LSAMP: variants seen among roughly 807,000 people sequenced by gnomAD.
The protein encoded by LSAMP is limbic system associated membrane protein.
LSAMP carries 7 observed loss-of-function variants against 38.6 expected under a neutral mutation model. The observed-to-expected ratio is 0.18, with a 90% CI of 0.10 to 0.34. The LOEUF is 0.34. Among genes scored for constraint, LSAMP ranks in the 10% least tolerant of loss-of-function variants. The pLI, the probability that LSAMP is intolerant of heterozygous loss-of-function variation, is 1.00. For synonymous variants in LSAMP, 154 were observed against 166.8 expected, an observed-to-expected ratio of 0.92 and a Z score of 0.59; for missense variants, 313 against 420.0, an observed-to-expected ratio of 0.75 and a Z score of 2.23.
At chr3:116,327,174 C>G (rs937010888) in intron 1 of LSAMP, among the ~76,000 whole-genome samples, 1 of 152,144 alleles carries the variant, frequency 6.6e-6, no homozygotes, top group Non-Finnish European at 1.5e-5. Context: ...CCAATAAACT[C>G]AAGCAGTGGC....
intron 3 of LSAMP, among the ~76,000 whole-genome samples, chr3:115,962,451 G>C (rs1938660378): frequency 1.3e-5 from 2 of 152,162 alleles, no homozygotes; most frequent in African/African-American, 4.8e-5. Flanking sequence ...AGAGTGCTCT[G>C]ACCTTGGAGA....
At chr3:115,915,365 G>C (rs1278367430) in intron 3 of LSAMP, among the ~76,000 whole-genome samples, 1 of 152,218 alleles carries the variant, frequency 6.6e-6, no homozygotes, top group Non-Finnish European at 1.5e-5. Context: ...GTTGTAAAAG[G>C]TGTTGTTGAC....
At chr3:116,414,539 G>A (rs574798304) in intron 1 of LSAMP, among the ~76,000 whole-genome samples, 3 of 152,050 alleles carry the variant, frequency 2.0e-5, no homozygotes, top group South Asian at 2.1e-4. Context: ...CAGAGCAATC[G>A]TCCAACGTTT....
At chr3:116,203,520 G>A (rs369699624) in intron 1 of LSAMP, among the ~76,000 whole-genome samples, 1 of 150,836 alleles carries the variant, frequency 6.6e-6, no homozygotes, top group Non-Finnish European at 1.5e-5. Flanking sequence ...TCTAGCATTA[G>A]GTATATCTCC....
chr3:115,851,755 CAG>C (rs1263406074), intron 4 of LSAMP, among the ~76,000 whole-genome samples: 1 of 152,200 alleles, frequency 6.6e-6, no homozygotes, highest in Non-Finnish European at 1.5e-5. Flanking sequence ...TTGAATGATG[CAG>C]AGTCAGTGCT....
chr3:115,828,256 CT>C (rs1934490210), intron 6 of LSAMP, among the ~76,000 whole-genome samples: 1 of 152,138 alleles, frequency 6.6e-6, no homozygotes, highest in African/African-American at 2.4e-5. Flanking sequence ...AAGGTTCATA[CT>C]TTTTGGGTTA....
intron 3 of LSAMP, among the ~76,000 whole-genome samples, chr3:115,947,989 T>C (rs1276995761): frequency 1.3e-5 from 2 of 152,330 alleles, no homozygotes; most frequent in African/African-American, 2.4e-5. Flanking sequence ...TACATCTATG[T>C]ATAGGTGAAA....
At chr3:115,838,863 C>T (rs1336812083) in intron 6 of LSAMP, among the ~76,000 whole-genome samples, 3 of 152,184 alleles carry the variant, frequency 2.0e-5, no homozygotes, top group East Asian at 3.8e-4. Flanking sequence ...GTGGTGGATA[C>T]GGCTGAAAAT....
intron 3 of LSAMP, among the ~76,000 whole-genome samples, chr3:115,860,574 A>C (rs1216494736): frequency 6.6e-6 from 1 of 152,226 alleles, no homozygotes; most frequent in African/African-American, 2.4e-5. Flanking sequence ...CACTTCACTT[A>C]ACTTCCTTAT....
chr3:116,163,886 G>A lies in LSAMP; in HGVS notation c.156-77330C>T, dbSNP rs540119960. ...TTCCTTAAAAAAACACAAAAAAAAC[G>A]AATAAGATCACACATATATAATCTG... On this transcript the variant is annotated intron_variant, in intron 1 of 6. Coordinates refer to ENST00000490035, the MANE Select transcript of LSAMP (RefSeq NM_002338.5). Among the ~76,000 whole-genome samples the A allele has an allele frequency of 1.6e-4, 25 of 151,644 alleles. No individual in the cohort carries two copies. In the East Asian group the frequency reaches 3.1e-3, roughly 19 times the overall value.
intron 3 of LSAMP, among the ~76,000 whole-genome samples, chr3:115,892,374 T>C (rs1409057116): frequency 6.6e-6 from 1 of 151,960 alleles, no homozygotes; most frequent in Non-Finnish European, 1.5e-5. Context: ...TAGAATAGAC[T>C]CTAAACATTG....
chr3:116,219,027 C>A (rs550848142), intron 1 of LSAMP, among the ~76,000 whole-genome samples: 1 of 152,210 alleles, frequency 6.6e-6, no homozygotes, highest in African/African-American at 2.4e-5. Context: ...CTATAAGTAC[C>A]ATATCATATA....
intron 1 of LSAMP, among the ~76,000 whole-genome samples, chr3:116,195,382 T>A (rs1710859009): frequency 6.6e-6 from 1 of 152,206 alleles, no homozygotes; most frequent in African/African-American, 2.4e-5. Flanking sequence ...CTTTCTATTA[T>A]TAAAAGCAAT....
intron 1 of LSAMP, among the ~76,000 whole-genome samples, chr3:116,277,526 C>A (rs899759595): frequency 2.0e-5 from 3 of 152,058 alleles, no homozygotes; most frequent in African/African-American, 7.2e-5. Flanking sequence ...CCCACCACCA[C>A]GCCTGGCTAA....
chr3:115,949,671 AC>A (rs1224018881), intron 3 of LSAMP, among the ~76,000 whole-genome samples: 1 of 152,104 alleles, frequency 6.6e-6, no homozygotes, highest in East Asian at 1.9e-4. Context: ...AAGAATTAAT[AC>A]TAATTTCATT....
At chr3:116,095,225 C>T (rs1708200632) in intron 1 of LSAMP, among the ~76,000 whole-genome samples, 1 of 151,720 alleles carries the variant, frequency 6.6e-6, no homozygotes, top group Admixed American at 6.5e-5. Context: ...TAGGCTACCA[C>T]TTATTACAAT....
At chr3:115,811,378 T>G (rs1161982481) in intron 6 of LSAMP, among the ~76,000 whole-genome samples, 1 of 152,204 alleles carries the variant, frequency 6.6e-6, no homozygotes, top group African/African-American at 2.4e-5. Flanking sequence ...GCTTGTTCCA[T>G]TTTCTCCATT....
At chr3:116,055,294 T>C (rs926195935) in intron 2 of LSAMP, among the ~76,000 whole-genome samples, 1 of 152,210 alleles carries the variant, frequency 6.6e-6, no homozygotes, top group Non-Finnish European at 1.5e-5. Context: ...ACACTAGGGA[T>C]ACCGTGATAG....
At chr3:116,054,325 A>C (rs999904000) in intron 2 of LSAMP, among the ~76,000 whole-genome samples, 2 of 152,192 alleles carry the variant, frequency 1.3e-5, no homozygotes, top group Non-Finnish European at 2.9e-5. Flanking sequence ...TCAAGTCGTT[A>C]ATTTAATCAT....
Sources: gnomAD v4.1 joint callset for allele counts (sites outside exome capture counted in the v4.1 genomes callset) on GRCh38, gnomAD v4.1.1 for gene constraint, MANE v1.5 for transcripts, NCBI Gene and HGNC (gene_info 2026-07-23, HGNC 2026-07-21) for gene names.